The following DAB1 variants were observed in gnomAD, a reference collection of about 807,000 sequenced individuals.
DAB1 encodes the protein disabled homolog 1.
Under a neutral mutation model 64.6 loss-of-function variants are expected in DAB1, and 15 were observed. The ratio of observed to expected loss-of-function variants is 0.23; its 90% CI spans 0.16 to 0.36. The LOEUF is 0.36. Ranked by LOEUF, DAB1 falls within the 10% of genes least tolerant of loss-of-function variation. The pLI, the probability that DAB1 is intolerant of heterozygous loss-of-function variation, is 1.00. For synonymous variants in DAB1, 235 were observed against 251.9 expected, an observed-to-expected ratio of 0.93 and a Z score of 0.64; for missense variants, 596 against 706.7, an observed-to-expected ratio of 0.84 and a Z score of 1.78.
At chr1:58,096,961 C>T (rs1377133436) in intron 5 of DAB1, among the ~76,000 whole-genome samples, 1 of 152,180 alleles carries the variant, frequency 6.6e-6, no homozygotes, top group African/African-American at 2.4e-5. Context: ...ATGGAGTCTC[C>T]CCTGTCATGT....
intron 5 of DAB1, among the ~76,000 whole-genome samples, chr1:58,118,623 AAATAC>A (rs1557658079): frequency 9.2e-4 from 129 of 140,620 alleles, no homozygotes; most frequent in African/African-American, 3.3e-3. Context: ...TATATATATA[AAATAC>A]ATATATATAT....
chr1:57,136,814 G>C (rs1658165163), intron 3 of DAB1, among the ~76,000 whole-genome samples, 173 bp from the exon 4 acceptor site: 1 of 152,032 alleles, frequency 6.6e-6, no homozygotes, highest in Non-Finnish European at 1.5e-5. Flanking sequence ...TGGTGTTTTA[G>C]GGTAATGCTT....
At position 58,158,129 on chromosome 1, in the gene DAB1, C is replaced by T. The variant is rs559997186; in HGVS notation, n.310-7541G>A. ...TTCCCTTTTTTCCTTTACTTATTCT[C>T]TTCATTTGCATGGAGAAAGGAAGAC... On this transcript the variant is annotated intron_variant and non_coding_transcript_variant, in intron 4 of 20. Coordinates refer to the DAB1 transcript ENST00000485760. Among the ~76,000 whole-genome samples the T allele has an allele frequency of 3.3e-5, 5 of 152,214 alleles. No individual in the cohort carries two copies. In the South Asian group the frequency reaches 8.3e-4, roughly 25 times the overall value.
intron 2 of DAB1, among the ~76,000 whole-genome samples, chr1:57,219,264 AACACACAC>A (rs60049165): frequency 1.0e-4 from 15 of 149,574 alleles, no homozygotes; most frequent in Admixed American, 4.7e-4. Context: ...GAGGCATTTC[AACACACAC>A]ACACACACAC....
intron 5 of DAB1, among the ~76,000 whole-genome samples, chr1:57,915,660 A>T (rs2102015179): frequency 6.6e-6 from 1 of 152,292 alleles, no homozygotes; most frequent in African/African-American, 2.4e-5. Flanking sequence ...AGCCCCACTC[A>T]GGATAGACAG....
intron 1 of DAB1, among the ~76,000 whole-genome samples, chr1:57,362,142 A>T (rs986518356): frequency 1.3e-5 from 2 of 152,136 alleles, no homozygotes; most frequent in African/African-American, 4.8e-5. Context: ...AACTGAATAT[A>T]CCCCAGATTG....
At chr1:57,801,238 T>C (rs938807120) in intron 6 of DAB1, among the ~76,000 whole-genome samples, 8 of 152,192 alleles carry the variant, frequency 5.3e-5, no homozygotes, top group Non-Finnish European at 1.0e-4. Context: ...GGCTCTAATA[T>C]GGATTTATTG....
chr1:57,138,551 A>G (rs1227248641), intron 3 of DAB1, among the ~76,000 whole-genome samples: 2 of 152,152 alleles, frequency 1.3e-5, no homozygotes, highest in African/African-American at 4.8e-5. Context: ...AGTAACTCTT[A>G]ACTCACATAC....
intron 5 of DAB1, among the ~76,000 whole-genome samples, chr1:58,130,890 AT>A (rs1348989683): frequency 6.6e-6 from 1 of 151,304 alleles, no homozygotes; most frequent in African/African-American, 2.4e-5. Flanking sequence ...TGCCCTTAAC[AT>A]TTTTTCCTTC....
chr1:57,156,046 C>A (rs1443950992), intron 2 of DAB1, among the ~76,000 whole-genome samples: 2 of 152,016 alleles, frequency 1.3e-5, no homozygotes, highest in Non-Finnish European at 2.9e-5. Flanking sequence ...TCATGGGGAA[C>A]CCTGTAGGCT....
chr1:57,133,123 CTAAG>C (rs1470769300), intron 4 of DAB1, among the ~76,000 whole-genome samples: 2 of 152,134 alleles, frequency 1.3e-5, no homozygotes, highest in East Asian at 1.9e-4. Context: ...TCTAATAGCT[CTAAG>C]TAAGTGTTGG....
intron 9 of DAB1, among the ~76,000 whole-genome samples, chr1:57,048,545 T>C (rs1314677010): frequency 6.6e-6 from 1 of 152,234 alleles, no homozygotes; most frequent in African/African-American, 2.4e-5. Context: ...AACGTCCTCG[T>C]CTGTCCTCTT....
intron 6 of DAB1, among the ~76,000 whole-genome samples, chr1:57,690,340 T>G (rs181720998): frequency 1.8e-4 from 28 of 152,222 alleles, no homozygotes; most frequent in Middle Eastern, 6.8e-3. Context: ...AGGAGGGGCA[T>G]GGTGGGGGGT....
intron 5 of DAB1, among the ~76,000 whole-genome samples, chr1:57,978,295 G>A (rs1272130977): frequency 6.6e-6 from 1 of 152,172 alleles, no homozygotes; most frequent in African/African-American, 2.4e-5. Context: ...TGACAAACCT[G>A]AAACAAATAA....
At chr1:58,413,520 C>T (rs1219840227) in intron 3 of DAB1, among the ~76,000 whole-genome samples, 1 of 152,140 alleles carries the variant, frequency 6.6e-6, no homozygotes, top group Non-Finnish European at 1.5e-5. Flanking sequence ...CACTGTCTCC[C>T]TGTGATTCCC....
chr1:57,005,760 C>T (rs1308455897), intron 14 of DAB1, among the ~76,000 whole-genome samples: 2 of 152,152 alleles, frequency 1.3e-5, no homozygotes, highest in Non-Finnish European at 1.5e-5. Flanking sequence ...AATCCTGGTG[C>T]TATTACATGT....
intron 6 of DAB1, among the ~76,000 whole-genome samples, chr1:57,804,611 C>A (rs926796126): frequency 3.3e-5 from 5 of 152,204 alleles, no homozygotes; most frequent in Non-Finnish European, 5.9e-5. Context: ...TCTGGCTCCA[C>A]TATTATAACT....
At position 57,838,210 on chromosome 1, in the gene DAB1, C is replaced by T. The variant is rs115995202; in HGVS notation, n.88-11755G>A. On this transcript the variant is annotated intron_variant and non_coding_transcript_variant, in intron 1 of 1. Coordinates refer to the DAB1 transcript ENST00000477280. ...GGAATATCACAGACTTATAAAATGA[C>T]GCTTTTCAAAAAACATGCAATAATA... 8.4e-3 allele frequency among the ~76,000 whole-genome samples: 1,277 copies of T among 151,754 alleles called. 18 individuals carry two copies. Among genetic ancestry groups the T allele is most frequent in the African/African-American group, 0.028 (1,151 of 41,164 alleles).
At chr1:57,351,683 C>T (rs1308993296) in intron 1 of DAB1, among the ~76,000 whole-genome samples, 2 of 152,036 alleles carry the variant, frequency 1.3e-5, no homozygotes, top group Non-Finnish European at 2.9e-5. Context: ...TGCATGTGCG[C>T]ATACACATCT....
Sources: allele counts gnomAD v4.1 joint callset (sites outside exome capture counted in the v4.1 genomes callset), GRCh38; gene constraint gnomAD v4.1.1; transcripts MANE v1.5; gene names NCBI Gene and HGNC (gene_info 2026-07-23, HGNC 2026-07-21).